Variants in PPM1L observed in about 807,000 individuals in gnomAD.
PPM1L encodes the protein protein phosphatase 1L.
In PPM1L, 13 loss-of-function variants were observed where a neutral mutation model predicts 31.4. The ratio of observed to expected loss-of-function variants is 0.41; its 90% CI spans 0.27 to 0.66. PPM1L has a LOEUF of 0.66. PPM1L is among the 30% of genes least tolerant of loss of function. The probability of loss-of-function intolerance (pLI) is 0.29; values close to 1 mark genes in which losing one functional copy is unlikely to be tolerated. For missense variants in PPM1L, 326 were observed against 453.7 expected (o/e 0.72, Z 2.56); for synonymous variants, 184 against 175.4 (o/e 1.05, Z -0.39).
chr3:160,874,357 C>G (rs1712426801), intron 1 of PPM1L, among the ~76,000 whole-genome samples: 1 of 152,166 alleles, frequency 6.6e-6, no homozygotes, highest in Non-Finnish European at 1.5e-5. Context: ...TCCCTGTGTC[C>G]TAGCCTCCCT....
chr3:161,013,850 G>GT (rs888856270), intron 2 of PPM1L, among the ~76,000 whole-genome samples: 20 of 151,646 alleles, frequency 1.3e-4, no homozygotes, highest in African/African-American at 7.3e-5. Flanking sequence ...TGCAACCCCT[G>GT]TTTTTTTTGT....
chr3:161,064,168 A>G (rs1335794157), intron 2 of PPM1L, among the ~76,000 whole-genome samples: 1 of 151,734 alleles, frequency 6.6e-6, no homozygotes, highest in East Asian at 1.9e-4. Flanking sequence ...CACGTGTCCC[A>G]GAACTTAAAG....
chr3:160,790,731 G>T (rs1463941811), intron 1 of PPM1L, among the ~76,000 whole-genome samples: 2 of 152,092 alleles, frequency 1.3e-5, no homozygotes, highest in African/African-American at 4.8e-5. Context: ...GACAGAGTCA[G>T]GCAGCAGAGA....
At chr3:161,052,319 T>G (rs892052250) in intron 2 of PPM1L, among the ~76,000 whole-genome samples, 3 of 152,170 alleles carry the variant, frequency 2.0e-5, no homozygotes. Flanking sequence ...CCTTGCATCT[T>G]CCTCTACTCA....
At chr3:160,891,174 C>T (rs888248113) in intron 1 of PPM1L, among the ~76,000 whole-genome samples, 8 of 152,114 alleles carry the variant, frequency 5.3e-5, no homozygotes, top group Non-Finnish European at 1.2e-4. Flanking sequence ...AAACTATCAT[C>T]AGAGTGAACA....
intron 2 of PPM1L, among the ~76,000 whole-genome samples, chr3:161,059,528 C>T (rs1012818186): frequency 6.6e-6 from 1 of 152,112 alleles, no homozygotes; most frequent in African/African-American, 2.4e-5. Flanking sequence ...CAGGTCAGGA[C>T]ATTATGTGTG....
At chr3:161,030,889 C>G (rs1421799922) in intron 2 of PPM1L, among the ~76,000 whole-genome samples, 1 of 152,128 alleles carries the variant, frequency 6.6e-6, no homozygotes. Flanking sequence ...CTTTGGTATA[C>G]TCCACCAGAC....
At chr3:160,847,817 A>G (rs1714128596) in intron 1 of PPM1L, among the ~76,000 whole-genome samples, 1 of 152,182 alleles carries the variant, frequency 6.6e-6, no homozygotes, top group Non-Finnish European at 1.5e-5. Context: ...GGCCTTTTCC[A>G]GATTCTTCTT....
At chr3:160,862,017 A>T (rs1711910210) in intron 1 of PPM1L, among the ~76,000 whole-genome samples, 1 of 152,106 alleles carries the variant, frequency 6.6e-6, no homozygotes, top group African/African-American at 2.4e-5. Flanking sequence ...TCTTACCTTT[A>T]TCACATCTGC....
At chr3:160,920,609 TCTCTCTCACACACACACACACACACACA>T (rs1404233852) in intron 1 of PPM1L, among the ~76,000 whole-genome samples, 12 of 49,168 alleles carry the variant, frequency 2.4e-4, no homozygotes, top group Non-Finnish European at 6.1e-4. Flanking sequence ...TCTCTCTCTC[TCTCTCTCACACACACACACACACACACA>T]CTCACACACA....
chr3:161,032,727 C>T (rs568478152), intron 2 of PPM1L, among the ~76,000 whole-genome samples: 1 of 149,788 alleles, frequency 6.7e-6, no homozygotes, highest in Admixed American at 6.7e-5. Flanking sequence ...GAGTCTTACT[C>T]TATAGCCCAA....
rs1576698794 is a variant in PPM1L, at chr3:160,898,487, G to A, written c.400-63249G>A. On this transcript the variant is annotated intron_variant, in intron 1 of 3. Coordinates refer to ENST00000498165, the MANE Select transcript of PPM1L (RefSeq NM_139245.4). ...TCAAATTTTAATGATTTAACTTCAT[G>A]AAAAGGATTCCTAACAAGTTATCCA... Among the ~76,000 whole-genome samples the A allele has an allele frequency of 3.9e-5, 6 of 152,266 alleles. No homozygotes were observed. In the South Asian group the frequency reaches 1.0e-3, roughly 26 times the overall value.
intron 1 of PPM1L, among the ~76,000 whole-genome samples, chr3:160,898,132 T>C (rs1713411408): frequency 6.6e-6 from 1 of 152,238 alleles, no homozygotes; most frequent in Non-Finnish European, 1.5e-5. Flanking sequence ...ATAATTGTTA[T>C]TCACTTCACA....
rs554765529 is a variant in PPM1L at position 160,830,135 on chromosome 3, T to A, written c.399+73428T>A. Among the ~76,000 whole-genome samples, 3 of 152,192 alleles carry A rather than the reference T, an allele frequency of 2.0e-5. No homozygotes were observed. The East Asian group carries it at 5.8e-4, about 29-fold the overall frequency. ...GACATTTCTTTGGGTGTAGTGGTTG[T>A]AAAAACAAAACCTAAGGATTTTCTA... On this transcript the variant is annotated intron_variant, in intron 1 of 3. Transcript: ENST00000498165.
chr3:160,804,774 A>T (rs924093392), intron 1 of PPM1L, among the ~76,000 whole-genome samples: 1 of 152,222 alleles, frequency 6.6e-6, no homozygotes, highest in Non-Finnish European at 1.5e-5. Flanking sequence ...ATTGCCATAC[A>T]TGGGGGCTAA....
At chr3:160,812,162 C>T (rs192435677) in intron 1 of PPM1L, among the ~76,000 whole-genome samples, 1 of 152,158 alleles carries the variant, frequency 6.6e-6, no homozygotes, top group African/African-American at 2.4e-5. Flanking sequence ...GGATACTTAT[C>T]CAAGTGTATG....
Position 160,756,295 on chromosome 3 carries a change from T to A in PPM1L, c.-14T>A, listed in dbSNP as rs533375271. The A allele has an allele frequency of 2.8e-5, 44 of 1,596,856 alleles. No individual in the cohort carries two copies. In the South Asian group the frequency reaches 4.6e-4, roughly 17 times the overall value. ...GCGCGTCGCTGGTGGTGGTTGAGGCTCTAGCGATAATAAATGATAGAGGAT... is the reference window on the plus strand; with the variant it reads ...GCGCGTCGCTGGTGGTGGTTGAGGCACTAGCGATAATAAATGATAGAGGAT... On this transcript the variant is annotated 5_prime_UTR_variant, in exon 1 of 4. Transcript: ENST00000498165. This position sits in a 1 kb window ranked among gnomAD's most constrained non-coding sequence, Gnocchi z 6.2.
intron 1 of PPM1L, among the ~76,000 whole-genome samples, chr3:160,906,049 T>C (rs1576704130): frequency 1.3e-5 from 2 of 152,214 alleles, no homozygotes; most frequent in Middle Eastern, 3.4e-3. Flanking sequence ...TCTTTCTATT[T>C]CCTGCCCTTT....
intron 1 of PPM1L, among the ~76,000 whole-genome samples, chr3:160,933,443 A>C (rs1410562885): frequency 2.0e-5 from 3 of 152,220 alleles, no homozygotes; most frequent in African/African-American, 7.2e-5. Flanking sequence ...ACCTGATGAT[A>C]AGTGGTATAA....
Sources: gnomAD v4.1 joint callset for allele counts (sites outside exome capture counted in the v4.1 genomes callset) on GRCh38, gnomAD v4.1.1 for gene constraint, Gnocchi (gnomAD v3.1) non-coding constraint, MANE v1.5 for transcripts, NCBI Gene and HGNC (gene_info 2026-07-23, HGNC 2026-07-21) for gene names.